The following ATXN1 variants were observed in gnomAD, a reference collection of about 807,000 sequenced individuals.
The protein encoded by ATXN1 is ataxin 1, also known as ataxin-1.
Under a neutral mutation model 56.4 loss-of-function variants are expected in ATXN1, and 8 were observed. The ratio of observed to expected loss-of-function variants is 0.14; its 90% confidence interval spans 0.08 to 0.26. The LOEUF is 0.26. ATXN1 is among the 10% of genes least tolerant of loss of function. The pLI is 1.00. For synonymous variants in ATXN1, 514 were observed against 494.6 expected, an observed-to-expected ratio of 1.04 and a Z score of -0.52; for missense variants, 987 against 1,106.5, an observed-to-expected ratio of 0.89 and a Z score of 1.53.
intron 3 of ATXN1, among the ~76,000 whole-genome samples, chr6:16,651,296 A>G (rs929336774): frequency 6.6e-6 from 1 of 152,120 alleles, no homozygotes; most frequent in Non-Finnish European, 1.5e-5. Flanking sequence ...TGTAATCCCA[A>G]CACTTTGGGA....
At chr6:16,452,553 G>C (rs1423130805) in intron 6 of ATXN1, among the ~76,000 whole-genome samples, 1 of 152,212 alleles carries the variant, frequency 6.6e-6, no homozygotes, top group Non-Finnish European at 1.5e-5. Flanking sequence ...AACCAGAGTA[G>C]ACCAAGTGAC....
At chr6:16,730,009 G>A (rs139228441) in intron 2 of ATXN1, among the ~76,000 whole-genome samples, 11 of 152,346 alleles carry the variant, frequency 7.2e-5, no homozygotes, top group Non-Finnish European at 1.2e-4. Context: ...TTGGCCAAGC[G>A]CGATGGCGCA....
intron 6 of ATXN1, among the ~76,000 whole-genome samples, chr6:16,483,165 T>A (rs1437412197): frequency 6.6e-6 from 1 of 151,284 alleles, no homozygotes; most frequent in Non-Finnish European, 1.5e-5. Context: ...GTCTGAAACA[T>A]CTTCAGGGGC....
intron 2 of ATXN1, chr6:16,739,720 T>C (rs1013262080): frequency 2.3e-6 from 1 of 436,764 alleles, no homozygotes; most frequent in African/African-American, 2.0e-5. Context: ...AAAACATTGA[T>C]TCTCAGGGAT....
At chr6:16,431,171 T>C (rs1759276343) in intron 6 of ATXN1, among the ~76,000 whole-genome samples, 1 of 151,364 alleles carries the variant, frequency 6.6e-6, no homozygotes, top group African/African-American at 2.4e-5. Context: ...TAGATAGGAG[T>C]GGTGAGATTA....
intron 6 of ATXN1, among the ~76,000 whole-genome samples, chr6:16,467,136 C>G (rs1446508985): frequency 6.6e-6 from 1 of 152,182 alleles, no homozygotes; most frequent in Non-Finnish European, 1.5e-5. Context: ...AGGGAAATGC[C>G]CTGGGCGGGG....
At chr6:16,512,021 C>A (rs1761092326) in intron 5 of ATXN1, among the ~76,000 whole-genome samples, 1 of 152,200 alleles carries the variant, frequency 6.6e-6, no homozygotes. Context: ...TCCCTCTAAT[C>A]TTTGTACATA....
At chr6:16,648,792 C>G (rs1214157370) in intron 3 of ATXN1, among the ~76,000 whole-genome samples, 1 of 152,102 alleles carries the variant, frequency 6.6e-6, no homozygotes, top group Non-Finnish European at 1.5e-5. Context: ...ATTAGTTAAT[C>G]CAGTGACAGT....
chr6:16,466,061 A>AGTCCC (rs1760097979), intron 6 of ATXN1, among the ~76,000 whole-genome samples: 1 of 152,204 alleles, frequency 6.6e-6, no homozygotes, highest in Non-Finnish European at 1.5e-5. Flanking sequence ...TCATGCCTGT[A>AGTCCC]ATCCCAGCAC....
intron 6 of ATXN1, among the ~76,000 whole-genome samples, chr6:16,372,579 T>C (rs553265266): frequency 5.3e-5 from 8 of 152,280 alleles, no homozygotes; most frequent in Admixed American, 5.2e-4. Context: ...ATACAACCAG[T>C]TGACACCTTT....
intron 3 of ATXN1, among the ~76,000 whole-genome samples, chr6:16,606,007 A>G (rs1325469322): frequency 6.6e-6 from 1 of 152,010 alleles, no homozygotes; most frequent in Non-Finnish European, 1.5e-5. Flanking sequence ...GCACGTACAT[A>G]TAGTCCAGAT....
At chr6:16,452,344 T>C (rs532697366) in intron 6 of ATXN1, among the ~76,000 whole-genome samples, 107 of 152,354 alleles carry the variant, frequency 7.0e-4, no homozygotes, top group African/African-American at 2.4e-3. Context: ...TCAGAATTCA[T>C]AACTAGTAAT....
Position 16,399,513 on chromosome 6 carries a change from G to A in ATXN1, c.-160-71043C>T, listed in dbSNP as rs79542015. Reference sequence around the variant, plus strand: ...ACAGAAATAGCGAAAAGAGTGTTGCGTTCCAAGCATATCAGACTTAAGTCA... The same window carrying A: ...ACAGAAATAGCGAAAAGAGTGTTGCATTCCAAGCATATCAGACTTAAGTCA... On this transcript the variant is annotated intron_variant, in intron 6 of 7. Coordinates refer to ENST00000436367, the MANE Select transcript of ATXN1 (RefSeq NM_001128164.2). 2.7e-3 allele frequency among the ~76,000 whole-genome samples: 413 copies of A among 152,230 alleles called. 3 individuals are homozygous for A. The East Asian group carries it at 0.047, about 17-fold the overall frequency.
At chr6:16,498,511 A>T (rs1342722985) in intron 5 of ATXN1, among the ~76,000 whole-genome samples, 1 of 152,228 alleles carries the variant, frequency 6.6e-6, no homozygotes, top group Non-Finnish European at 1.5e-5. Context: ...ACCTAAGAGC[A>T]GAACTACTGA....
intron 2 of ATXN1, among the ~76,000 whole-genome samples, chr6:16,661,524 C>A (rs1758319818): frequency 6.6e-6 from 1 of 152,182 alleles, no homozygotes; most frequent in Non-Finnish European, 1.5e-5. Flanking sequence ...TATAAGCAGC[C>A]TGCAGGATGG....
At chr6:16,325,961 T>G (rs1760793488) in intron 7 of ATXN1, among the ~76,000 whole-genome samples, 2 of 152,186 alleles carry the variant, frequency 1.3e-5, no homozygotes, top group African/African-American at 4.8e-5. Flanking sequence ...ACATGGATGT[T>G]GCAATGGGAT....
intron 6 of ATXN1, among the ~76,000 whole-genome samples, chr6:16,405,412 C>T (rs573677583): frequency 6.6e-6 from 1 of 152,338 alleles, no homozygotes; most frequent in South Asian, 2.1e-4. Flanking sequence ...TCCCATTCCA[C>T]TCAGTCTCAT....
chr6:16,318,830 C>T (rs1434879826), intron 7 of ATXN1, among the ~76,000 whole-genome samples: 1 of 152,160 alleles, frequency 6.6e-6, no homozygotes, highest in Non-Finnish European at 1.5e-5. Context: ...CCAGGAAGGA[C>T]ACTGCCCAGT....
At chr6:16,445,453 G>C (rs559034857) in intron 6 of ATXN1, among the ~76,000 whole-genome samples, 1 of 151,920 alleles carries the variant, frequency 6.6e-6, no homozygotes, top group Non-Finnish European at 1.5e-5. Flanking sequence ...TGAATGGGGT[G>C]GTGGGGCAAA....
Sources: allele counts gnomAD v4.1 joint callset (sites outside exome capture counted in the v4.1 genomes callset), GRCh38; gene constraint gnomAD v4.1.1; transcripts MANE v1.5; gene names NCBI Gene and HGNC (gene_info 2026-07-23, HGNC 2026-07-21).